SSPN: variants seen among roughly 807,000 people sequenced by gnomAD.
SSPN encodes sarcospan.
SSPN carries 15 observed loss-of-function variants against 19.1 expected under a neutral mutation model. The ratio of observed to expected loss-of-function variants is 0.78; its 90% CI spans 0.52 to 1.21. The LOEUF (loss-of-function observed/expected upper bound fraction) is 1.21, where lower values mean the gene tolerates loss of function less well. Ranked by LOEUF, SSPN falls within the 50% of genes most tolerant of loss-of-function variation. SSPN has a pLI of 0.00. For synonymous variants in SSPN, 147 were observed against 140.3 expected (o/e 1.05, Z -0.34); for missense variants, 291 against 314.0 (o/e 0.93, Z 0.55).
chr12:26,165,437 T>C (rs564021031), intron 1 of SSPN, among the ~76,000 whole-genome samples: 3 of 152,348 alleles, frequency 2.0e-5, no homozygotes, highest in East Asian at 3.9e-4. Flanking sequence ...TGTGTCCTAA[T>C]TGAATATTTT....
chr12:26,197,190 C>T (rs945223857), intron 1 of SSPN, among the ~76,000 whole-genome samples: 2 of 152,208 alleles, frequency 1.3e-5, no homozygotes, highest in East Asian at 1.9e-4. Flanking sequence ...ACTCACAAAA[C>T]GTCCCTCAAA....
intron 1 of SSPN, among the ~76,000 whole-genome samples, chr12:26,132,185 G>C (rs1362383819): frequency 6.6e-6 from 1 of 152,140 alleles, no homozygotes; most frequent in African/African-American, 2.4e-5. Context: ...CAGACACAAG[G>C]GTAAGGGTGT....
chr12:26,134,554 C>T (rs955206367), intron 1 of SSPN, among the ~76,000 whole-genome samples: 1 of 152,250 alleles, frequency 6.6e-6, no homozygotes, highest in Non-Finnish European at 1.5e-5. Context: ...ACACACAACT[C>T]TTCTGAATGA....
At chr12:26,189,425 A>G (rs113726275) in intron 1 of SSPN, among the ~76,000 whole-genome samples, 8 of 152,214 alleles carry the variant, frequency 5.3e-5, no homozygotes, top group African/African-American at 1.4e-4. Context: ...TGCAAACTCA[A>G]CTGCATTCTT....
intron 1 of SSPN, among the ~76,000 whole-genome samples, chr12:26,149,988 A>G (rs1369085142): frequency 6.6e-6 from 1 of 152,212 alleles, no homozygotes; most frequent in Non-Finnish European, 1.5e-5. Context: ...ACTTCCTCAC[A>G]TCTTCTGAAA....
intron 1 of SSPN, chr12:26,124,701 G>A (rs1944347512): frequency 1.9e-6 from 3 of 1,614,004 alleles, no homozygotes; most frequent in Non-Finnish European, 2.5e-6. Context: ...ATATTCGCAA[G>A]GGTGCGTGCA....
At chr12:26,204,527 G>A (rs10771266) in intron 1 of SSPN, among the ~76,000 whole-genome samples, 2 of 151,764 alleles carry the variant, frequency 1.3e-5, no homozygotes, top group East Asian at 1.9e-4. Context: ...TGATGCAAAG[G>A]TGGCTGGCTG....
At chr12:26,207,389 C>T (rs1205525907) in intron 1 of SSPN, among the ~76,000 whole-genome samples, 2 of 152,000 alleles carry the variant, frequency 1.3e-5, no homozygotes, top group African/African-American at 2.4e-5. Context: ...GTAATAATTG[C>T]TTTTTTATTA....
chr12:26,204,479 C>T (rs1164965279), intron 1 of SSPN, among the ~76,000 whole-genome samples: 1 of 152,036 alleles, frequency 6.6e-6, no homozygotes, highest in Admixed American at 6.6e-5. Context: ...CAGGGAGTAT[C>T]CTGATGTCAA....
At position 26,231,675 on chromosome 12, in the gene SSPN, C is replaced by T. The variant is rs541839999; in HGVS notation, c.*599C>T. 21 of 156,486 alleles carry T rather than the reference C, an allele frequency of 1.3e-4. No homozygotes were observed. In the South Asian group the frequency reaches 1.6e-3, roughly 12 times the overall value. 9.7% of individuals were successfully genotyped at this position (156,486 alleles called of 1,614,324 possible). ...ACTAACAACACCTGGGTTGGGGCGG[C>T]GGCCTCTTCTCTTCAGCTCCCTTAG... On this transcript the variant is annotated 3_prime_UTR_variant, in exon 3 of 3. Transcript: ENST00000242729.
intron 1 of SSPN, among the ~76,000 whole-genome samples, chr12:26,204,990 A>G (rs553621724): frequency 1.3e-5 from 2 of 152,304 alleles, no homozygotes; most frequent in African/African-American, 4.8e-5. Flanking sequence ...ACGGTCCCTA[A>G]TTGTGAATTT....
intron 1 of SSPN, among the ~76,000 whole-genome samples, chr12:26,142,003 T>C (rs972752789): frequency 2.0e-5 from 3 of 151,928 alleles, no homozygotes; most frequent in African/African-American, 7.3e-5. Context: ...GAAGAGAAAG[T>C]AGGAAAGCAA....
chr12:26,171,273 T>C (rs1482160583), intron 1 of SSPN, among the ~76,000 whole-genome samples: 1 of 152,202 alleles, frequency 6.6e-6, no homozygotes, highest in Non-Finnish European at 1.5e-5. Flanking sequence ...AATTTGCCAT[T>C]GTAATAGCTA....
intron 1 of SSPN, among the ~76,000 whole-genome samples, chr12:26,189,454 C>G (rs1308994408): frequency 6.6e-6 from 1 of 152,144 alleles, no homozygotes; most frequent in African/African-American, 2.4e-5. Context: ...TACATTCTTT[C>G]CTCCTACCTC....
At chr12:26,202,310 A>T (rs1232432549) in intron 1 of SSPN, among the ~76,000 whole-genome samples, 1 of 152,152 alleles carries the variant, frequency 6.6e-6, no homozygotes, top group Non-Finnish European at 1.5e-5. Flanking sequence ...AACACAGACA[A>T]ATTTATTTAT....
At chr12:26,186,945 C>T (rs1484481272) in intron 1 of SSPN, among the ~76,000 whole-genome samples, 1 of 152,162 alleles carries the variant, frequency 6.6e-6, no homozygotes, top group Non-Finnish European at 1.5e-5. Context: ...TTCCCCCTTC[C>T]CCACTCCATC....
chr12:26,151,462 T>G (rs964507318), intron 1 of SSPN, among the ~76,000 whole-genome samples: 1 of 152,174 alleles, frequency 6.6e-6, no homozygotes, highest in African/African-American at 2.4e-5. Flanking sequence ...CTCAATTGGG[T>G]CCTAAGCTTT....
chr12:26,231,046 G>C lies in SSPN; in HGVS notation c.702G>C (p.Thr234=). 6.2e-7 allele frequency: 1 copy of C among 1,613,578 alleles called. No homozygotes were observed. Among genetic ancestry groups the C allele is most frequent in the Non-Finnish European group, 8.5e-7 (1 of 1,179,634 alleles). The change falls in exon 3 of 3, where the codon ACG becomes ACC. Residue 234 remains threonine (T), a synonymous_variant. Transcript: ENST00000242729. ...FYVGVRICSL[T]ASEGPQQKI ...TGGGTGTCAGGATATGCTCCCTCAC[G>C]GCTTCCGAAGGCCCCCAGCAAAAGA...
chr12:26,187,544 G>A (rs1432588233), intron 1 of SSPN, among the ~76,000 whole-genome samples: 1 of 152,180 alleles, frequency 6.6e-6, no homozygotes, highest in Non-Finnish European at 1.5e-5. Context: ...ACCGTCACGA[G>A]GTGCACGGCA....
Sources: gnomAD v4.1 joint callset for allele counts (sites outside exome capture counted in the v4.1 genomes callset) on GRCh38, gnomAD v4.1.1 for gene constraint, MANE v1.5 for transcripts, NCBI Gene and HGNC (gene_info 2026-07-23, HGNC 2026-07-21) for gene names.